Variants in ZFHX3 observed in about 807,000 individuals in gnomAD.
The protein encoded by ZFHX3 is zinc finger homeobox protein 3.
Under a neutral mutation model 279.1 loss-of-function variants are expected in ZFHX3, and 42 were observed. The observed-to-expected ratio is 0.15, with a 90% CI of 0.12 to 0.19. ZFHX3 has a LOEUF of 0.19. Ranked by LOEUF, ZFHX3 falls within the 10% of genes least tolerant of loss-of-function variation. The pLI is 1.00. For synonymous variants in ZFHX3, 2,293 were observed against 1,957.8 expected, an observed-to-expected ratio of 1.17 and a Z score of -4.52; for missense variants, 4,981 against 4,754.0, an observed-to-expected ratio of 1.05 and a Z score of -1.40.
intron 3 of ZFHX3, among the ~76,000 whole-genome samples, chr16:73,439,231 G>A (rs1487350904): frequency 6.6e-6 from 1 of 152,194 alleles, no homozygotes; most frequent in Non-Finnish European, 1.5e-5. Flanking sequence ...GAAGGGTGAT[G>A]CTGACCGGGC....
chr16:73,436,003 A>C (rs1172528374), intron 3 of ZFHX3, among the ~76,000 whole-genome samples: 1 of 152,212 alleles, frequency 6.6e-6, no homozygotes, highest in Non-Finnish European at 1.5e-5. Flanking sequence ...CTCACTGCTG[A>C]TAAAGACACA....
rs534711818 is a variant in ZFHX3 at position 73,220,101 on chromosome 16, TAAAA to T, written c.-1104+36942_-1104+36945del. 5.2e-3 allele frequency among the ~76,000 whole-genome samples: 786 copies of T among 150,316 alleles called. 11 individuals are homozygous for T. Among genetic ancestry groups the T allele is most frequent in the African/African-American group, 0.019 (761 of 40,862 alleles). On this transcript the variant is annotated intron_variant, in intron 5 of 17. Transcript: ENST00000641206. ...AACTCCCTCTCAAAAATAAAAAAAT[TAAAA>T]AAAAGAAAAAGAAAAAGAAAAATAC...
chr16:73,738,848 G>A (rs1158107318), intron 1 of ZFHX3, among the ~76,000 whole-genome samples: 1 of 152,146 alleles, frequency 6.6e-6, no homozygotes, highest in Non-Finnish European at 1.5e-5. Flanking sequence ...CTGCTGAGGA[G>A]GCACCCGTGG....
At chr16:73,310,881 T>A (rs1440402584) in intron 4 of ZFHX3, among the ~76,000 whole-genome samples, 3 of 151,196 alleles carry the variant, frequency 2.0e-5, no homozygotes, top group Non-Finnish European at 4.4e-5. Flanking sequence ...GAATCAAAGC[T>A]GTGTATACAT....
intron 2 of ZFHX3, among the ~76,000 whole-genome samples, chr16:73,637,602 G>C (rs1284330932): frequency 6.6e-6 from 1 of 151,950 alleles, no homozygotes; most frequent in Non-Finnish European, 1.5e-5. Context: ...ATAGTGTTGG[G>C]TACATGAGTA....
chr16:73,584,262 G>C (rs952621658), intron 2 of ZFHX3, among the ~76,000 whole-genome samples: 1 of 152,152 alleles, frequency 6.6e-6, no homozygotes, highest in Non-Finnish European at 1.5e-5. Flanking sequence ...TAATAGACAA[G>C]TAATGGAAGT....
chr16:73,014,481 G>GTGT (rs1964024888), intron 1 of ZFHX3: 1 of 127,712 alleles, frequency 7.8e-6, no homozygotes, highest in Admixed American at 7.8e-5. Context: ...ACTTAAGTTT[G>GTGT]TGTTTTACAC....
chr16:73,100,750 A>G (rs968730316), intron 7 of ZFHX3, among the ~76,000 whole-genome samples: 3 of 151,944 alleles, frequency 2.0e-5, no homozygotes, highest in African/African-American at 7.3e-5. Flanking sequence ...GGCACCCACC[A>G]TCACGCCTGG....
intron 2 of ZFHX3, among the ~76,000 whole-genome samples, chr16:73,457,359 G>A (rs764293203): frequency 1.2e-4 from 18 of 152,178 alleles, no homozygotes; most frequent in Non-Finnish European, 7.3e-5. Context: ...GCCCCAGAGC[G>A]CCTGGCTTTG....
intron 2 of ZFHX3, among the ~76,000 whole-genome samples, chr16:73,515,839 G>C (rs1417173405): frequency 6.6e-6 from 1 of 152,188 alleles, no homozygotes; most frequent in African/African-American, 2.4e-5. Context: ...TAAATGCAAT[G>C]ATTATGTGGC....
chr16:73,229,118 C>T (rs941901342), intron 5 of ZFHX3, among the ~76,000 whole-genome samples: 6 of 152,152 alleles, frequency 3.9e-5, no homozygotes, highest in Non-Finnish European at 8.8e-5. Context: ...TGCTGCTCAC[C>T]TAGGATTCTG....
intron 2 of ZFHX3, among the ~76,000 whole-genome samples, chr16:73,511,712 G>A (rs825829): frequency 0.19 from 29,194 of 152,064 alleles, 3,165 homozygotes; most frequent in East Asian, 0.3. Context: ...ACCAGGCCAA[G>A]GATTTCACTT....
intron 3 of ZFHX3, among the ~76,000 whole-genome samples, chr16:73,391,092 G>A (rs2017003344): frequency 6.6e-6 from 1 of 152,148 alleles, no homozygotes; most frequent in Non-Finnish European, 1.5e-5. Context: ...AGACTGACCT[G>A]AGCGTGGGAG....
intron 3 of ZFHX3, among the ~76,000 whole-genome samples, chr16:73,330,373 G>A (rs2015777531): frequency 6.6e-6 from 1 of 152,198 alleles, no homozygotes; most frequent in South Asian, 2.1e-4. Flanking sequence ...ATATTAAAAA[G>A]GGGATTGATT....
intron 2 of ZFHX3, among the ~76,000 whole-genome samples, chr16:73,469,396 C>T (rs1490169641): frequency 6.6e-6 from 1 of 152,072 alleles, no homozygotes; most frequent in Non-Finnish European, 1.5e-5. Flanking sequence ...GAGAGGGGAA[C>T]ATTGTCAAAG....
chr16:73,483,527 C>A (rs1015971829), intron 2 of ZFHX3: 2 of 368,138 alleles, frequency 5.4e-6, no homozygotes, highest in African/African-American at 2.2e-5. Flanking sequence ...CACGTAGCTC[C>A]GCGTTCTCAT....
At chr16:73,344,858 G>A (rs1567456258) in intron 3 of ZFHX3, among the ~76,000 whole-genome samples, 1 of 152,124 alleles carries the variant, frequency 6.6e-6, no homozygotes, top group Non-Finnish European at 1.5e-5. Flanking sequence ...TTGTAACTTT[G>A]ACAATAAAAA....
chr16:73,365,059 G>A (rs73590920), intron 3 of ZFHX3, among the ~76,000 whole-genome samples: 11,454 of 152,128 alleles, frequency 0.075, 1,421 homozygotes, highest in African/African-American at 0.26. Flanking sequence ...GGCATGTGGC[G>A]AAGATCACTG....
intron 5 of ZFHX3, chr16:73,232,826 AC>A (rs1692196594): frequency 6.6e-6 from 1 of 152,260 alleles, no homozygotes; most frequent in Non-Finnish European, 1.5e-5. Context: ...CTCTGATGGC[AC>A]GCGGAGGGAG....
Sources: gnomAD v4.1 joint callset for allele counts (sites outside exome capture counted in the v4.1 genomes callset) on GRCh38, gnomAD v4.1.1 for gene constraint, MANE v1.5 for transcripts, NCBI Gene and HGNC (gene_info 2026-07-23, HGNC 2026-07-21) for gene names.